Variants in FERMT2 observed in about 807,000 individuals in gnomAD.
The protein encoded by FERMT2 is FERM domain containing kindlin 2.
Under a neutral mutation model 82.7 loss-of-function variants are expected in FERMT2, and 15 were observed. That is an observed-to-expected ratio of 0.18 (90% confidence interval 0.12 to 0.28). The LOEUF (loss-of-function observed/expected upper bound fraction) is 0.28. FERMT2 is among the 10% of genes least tolerant of loss of function. The pLI is 1.00. For missense variants in FERMT2, 645 were observed against 809.4 expected, an observed-to-expected ratio of 0.80 and a Z score of 2.46; for synonymous variants, 274 against 271.5, an observed-to-expected ratio of 1.01 and a Z score of -0.09.
At chr14:52,892,159 G>GGTTTTTTT (rs1555368978) in intron 4 of FERMT2, among the ~76,000 whole-genome samples, 158 of 78,768 alleles carry the variant, frequency 2.0e-3, no homozygotes, top group African/African-American at 5.8e-3. Context: ...AGAGAAGGCT[G>GGTTTTTTT]TTTTTTGTTT....
chr14:52,901,346 A>G (rs1182475587), intron 3 of FERMT2, among the ~76,000 whole-genome samples: 1 of 151,546 alleles, frequency 6.6e-6, no homozygotes, highest in Non-Finnish European at 1.5e-5. Flanking sequence ...ATTACTAGAC[A>G]CTTGAGAAAG....
In FERMT2 at chr14:52,869,697, T is replaced by C. The variant is rs777707935; in HGVS notation, c.1273+3102A>G. Among the ~76,000 whole-genome samples, 6 of 152,224 alleles carry C rather than the reference T, an allele frequency of 3.9e-5. 1 individual carries two copies. Among genetic ancestry groups the C allele is most frequent in the Non-Finnish European group, 8.8e-5 (6 of 68,044 alleles). ...GTTTATGTATTTACTATACTATTCT[T>C]TTCATCATTATTTTACAAAGTACTT... On this transcript the variant is annotated intron_variant, in intron 10 of 14. Coordinates refer to ENST00000341590, the MANE Select transcript of FERMT2 (RefSeq NM_006832.3).
chr14:52,927,865 T>C (rs1889374773), intron 2 of FERMT2, among the ~76,000 whole-genome samples: 1 of 152,142 alleles, frequency 6.6e-6, no homozygotes, highest in Non-Finnish European at 1.5e-5. Context: ...TTCAGATTCC[T>C]GGAGACTCAG....
intron 2 of FERMT2, among the ~76,000 whole-genome samples, chr14:52,936,972 T>C (rs1012340191): frequency 2.0e-5 from 3 of 151,766 alleles, no homozygotes; most frequent in Non-Finnish European, 4.4e-5. Context: ...CTGGCCAACA[T>C]GGTGAAACCC....
At chr14:52,862,022 T>A (rs890169844) in intron 12 of FERMT2, 4 of 152,130 alleles carry the variant, frequency 2.6e-5, no homozygotes, top group African/African-American at 9.7e-5. Flanking sequence ...TGTCACTACT[T>A]ACTAGGCACC....
intron 2 of FERMT2, among the ~76,000 whole-genome samples, chr14:52,947,608 T>A (rs187719083): frequency 9.5e-4 from 142 of 149,556 alleles, no homozygotes; most frequent in Middle Eastern, 3.4e-3. Flanking sequence ...AATAAAAGTC[T>A]AACTAAACAC....
chr14:52,924,587 A>T (rs182391111), intron 2 of FERMT2, among the ~76,000 whole-genome samples: 1 of 152,122 alleles, frequency 6.6e-6, no homozygotes, highest in African/African-American at 2.4e-5. Context: ...GCAAGAGTTC[A>T]CTCTTGCAAG....
chr14:52,900,670 T>C (rs1887568831), intron 3 of FERMT2, among the ~76,000 whole-genome samples: 2 of 152,034 alleles, frequency 1.3e-5, no homozygotes, highest in Non-Finnish European at 1.5e-5. Flanking sequence ...TACCAATGGG[T>C]AACACCCTGA....
At chr14:52,896,996 TAAA>T (rs1887298012) in intron 3 of FERMT2, among the ~76,000 whole-genome samples, 2 of 82,490 alleles carry the variant, frequency 2.4e-5, no homozygotes, top group Admixed American at 2.9e-4. Context: ...GCAAAACAAA[TAAA>T]ACACACACAC....
At chr14:52,872,707 TAAAAAAC>T in intron 10 of FERMT2, 85 bp downstream of exon 10, 1 of 1,419,742 alleles carries the variant, frequency 7.0e-7, no homozygotes, top group Admixed American at 2.1e-5. Context: ...TTGATTTTTT[TAAAAAAC>T]TTGTTTATCC....
intron 3 of FERMT2, among the ~76,000 whole-genome samples, chr14:52,900,676 C>T (rs935011687): frequency 6.6e-6 from 1 of 151,876 alleles, no homozygotes; most frequent in African/African-American, 2.4e-5. Flanking sequence ...TGGGTAACAC[C>T]CTGATTCACT....
chr14:52,904,788 AG>A (rs1044737545), intron 3 of FERMT2, among the ~76,000 whole-genome samples: 1 of 151,468 alleles, frequency 6.6e-6, no homozygotes, highest in African/African-American at 2.4e-5. Context: ...CATACGAGAC[AG>A]GAAAGGTAAA....
At chr14:52,938,483 C>T (rs1889949461) in intron 2 of FERMT2, among the ~76,000 whole-genome samples, 1 of 152,120 alleles carries the variant, frequency 6.6e-6, no homozygotes, top group South Asian at 2.1e-4. Flanking sequence ...ACTAAATAAT[C>T]AGAAGTTAAA....
chr14:52,932,087 T>C (rs1316344788), intron 2 of FERMT2, among the ~76,000 whole-genome samples: 1 of 152,226 alleles, frequency 6.6e-6, no homozygotes. Flanking sequence ...CTTTGTTTTA[T>C]AGATGAGAAA....
intron 11 of FERMT2, 49 bp downstream of exon 11, chr14:52,864,698 G>A: frequency 1.3e-6 from 2 of 1,567,928 alleles, no homozygotes; most frequent in Non-Finnish European, 1.8e-6. Context: ...AGGATGACTG[G>A]TCAACTCATT....
At chr14:52,941,618 C>G (rs1020037123) in intron 2 of FERMT2, among the ~76,000 whole-genome samples, 1 of 152,154 alleles carries the variant, frequency 6.6e-6, no homozygotes, top group Non-Finnish European at 1.5e-5. Context: ...TTGTTTACTT[C>G]TCACTGGGCA....
rs899222321 is a variant in FERMT2 at position 52,893,832 on chromosome 14, G to T, written c.392-405C>A. ...TAAATCATTACCAAATCCCAGTTTT[G>T]TTTTTTTTTTTTTGAGACGGAGTTT... On this transcript the variant is annotated intron_variant, in intron 3 of 14. Coordinates refer to ENST00000341590, the MANE Select transcript of FERMT2 (RefSeq NM_006832.3). Among the ~76,000 whole-genome samples the T allele has an allele frequency of 7.2e-5, 10 of 139,116 alleles. 1 individual carries two copies. The highest frequency in any genetic ancestry group is 7.0e-4 in the South Asian group (3 of 4,280). The allele number at this position is 139,116 out of a possible 152,430, so 91.3% of individuals were successfully genotyped here. A position where few individuals can be genotyped will look rare whatever the true frequency, so the allele number is the denominator to read the frequency against.
At chr14:52,924,743 TAGAATAATAGCTGGTAAATACAC>T (rs1288784174) in intron 2 of FERMT2, among the ~76,000 whole-genome samples, 5 of 152,146 alleles carry the variant, frequency 3.3e-5, no homozygotes, top group Non-Finnish European at 7.4e-5. Flanking sequence ...GATCAATAGA[TAGAATAATAGCTGGTAAATACAC>T]AGAATAATAG....
intron 3 of FERMT2, among the ~76,000 whole-genome samples, chr14:52,908,892 C>CT (rs1258283112): frequency 4.6e-5 from 7 of 152,172 alleles, no homozygotes; most frequent in African/African-American, 1.4e-4. Context: ...CTCAGTTTGA[C>CT]TGACTAGATA....
Sources: allele counts gnomAD v4.1 joint callset (sites outside exome capture counted in the v4.1 genomes callset), GRCh38; gene constraint gnomAD v4.1.1; transcripts MANE v1.5; gene names NCBI Gene and HGNC (gene_info 2026-07-23, HGNC 2026-07-21).